The following CACNA2D1 variants were observed in gnomAD, a reference collection of about 807,000 sequenced individuals.
CACNA2D1 encodes the protein voltage-dependent calcium channel subunit alpha-2/delta-1.
CACNA2D1 carries 53 observed loss-of-function variants against 171.5 expected under a neutral mutation model. That is an observed-to-expected ratio of 0.31 (90% CI 0.25 to 0.39). The LOEUF is 0.39. Among genes scored for constraint, CACNA2D1 ranks in the 10% least tolerant of loss-of-function variants. The pLI is 1.00. For missense variants in CACNA2D1, 903 were observed against 1,299.8 expected (o/e 0.69, Z 4.69); for synonymous variants, 442 against 443.1 (o/e 1.00, Z 0.03).
At chr7:82,376,994 C>G (rs1416991817) in intron 1 of CACNA2D1, among the ~76,000 whole-genome samples, 2 of 152,124 alleles carry the variant, frequency 1.3e-5, no homozygotes, top group Non-Finnish European at 2.9e-5. Context: ...TGCTGTTTGC[C>G]TACTTCAAAA....
chr7:82,033,531 T>C (rs1802961427), intron 11 of CACNA2D1, among the ~76,000 whole-genome samples: 1 of 152,102 alleles, frequency 6.6e-6, no homozygotes, highest in Non-Finnish European at 1.5e-5. Context: ...TTCTACTTTA[T>C]TCACTTCACA....
At chr7:82,311,577 T>A (rs368887326) in intron 3 of CACNA2D1, among the ~76,000 whole-genome samples, 2 of 152,328 alleles carry the variant, frequency 1.3e-5, no homozygotes, top group African/African-American at 2.4e-5. Context: ...TTGTAACAAT[T>A]GGGTAGAATA....
chr7:82,253,744 G>A (rs1805950992), intron 3 of CACNA2D1, among the ~76,000 whole-genome samples: 1 of 151,996 alleles, frequency 6.6e-6, no homozygotes, highest in African/African-American at 2.4e-5. Flanking sequence ...ATGTATATAT[G>A]GTCTTTATTC....
At chr7:82,014,071 T>C (rs1800126497) in intron 13 of CACNA2D1, among the ~76,000 whole-genome samples, 1 of 152,096 alleles carries the variant, frequency 6.6e-6, no homozygotes, top group African/African-American at 2.4e-5. Flanking sequence ...TGTCATACTC[T>C]CATATTTAAG....
chr7:82,088,341 A>G lies in CACNA2D1; in HGVS notation c.527-3441T>C, dbSNP rs569378265. Among the ~76,000 whole-genome samples, 5 of 152,242 alleles carry G rather than the reference A, an allele frequency of 3.3e-5. No individual in the cohort carries two copies. In the East Asian group the frequency reaches 9.6e-4, roughly 29 times the overall value. On this transcript the variant is annotated intron_variant, in intron 6 of 38. Transcript: ENST00000356860. Reference sequence around the variant, plus strand: ...AACAGGAAAAATAAAACAAGGCCAAATTCCTTGGAAAATTATTTTCAGCAA... The same window carrying G: ...AACAGGAAAAATAAAACAAGGCCAAGTTCCTTGGAAAATTATTTTCAGCAA...
At chr7:82,080,431 T>C (rs1809606450) in intron 7 of CACNA2D1, among the ~76,000 whole-genome samples, 1 of 152,126 alleles carries the variant, frequency 6.6e-6, no homozygotes, top group Admixed American at 6.5e-5. Flanking sequence ...ATCTTTACAA[T>C]ACTGTGAAGT....
chr7:82,196,275 C>T (rs889654552), intron 3 of CACNA2D1, among the ~76,000 whole-genome samples: 7 of 152,004 alleles, frequency 4.6e-5, no homozygotes, highest in Non-Finnish European at 7.4e-5. Flanking sequence ...TGGGGCCTAG[C>T]CAAAATTTCC....
chr7:82,036,629 A>G (rs1052947641), intron 11 of CACNA2D1, among the ~76,000 whole-genome samples: 4 of 152,182 alleles, frequency 2.6e-5, no homozygotes, highest in African/African-American at 7.2e-5. Flanking sequence ...ATGATTTAGC[A>G]CTCAGAGCAG....
At chr7:82,112,264 T>C (rs1788560743) in intron 6 of CACNA2D1, among the ~76,000 whole-genome samples, 1 of 152,182 alleles carries the variant, frequency 6.6e-6, no homozygotes, top group African/African-American at 2.4e-5. Context: ...TTTCACTCTT[T>C]AATTTCAGTA....
At chr7:82,107,854 G>T (rs1443289640) in intron 6 of CACNA2D1, among the ~76,000 whole-genome samples, 1 of 152,100 alleles carries the variant, frequency 6.6e-6, no homozygotes, top group African/African-American at 2.4e-5. Flanking sequence ...AAAGTGCGGG[G>T]ATTATAGACA....
intron 3 of CACNA2D1, among the ~76,000 whole-genome samples, chr7:82,265,538 T>A (rs1459835450): frequency 6.6e-6 from 1 of 151,616 alleles, no homozygotes; most frequent in Admixed American, 6.6e-5. Flanking sequence ...GTCCTTTTGG[T>A]TTATTTGGAG....
intron 3 of CACNA2D1, among the ~76,000 whole-genome samples, chr7:82,281,018 T>C (rs1810030123): frequency 6.6e-6 from 1 of 152,150 alleles, no homozygotes; most frequent in South Asian, 2.1e-4. Flanking sequence ...GGTCTGATCA[T>C]TAAGGAATTT....
At chr7:82,009,844 C>A (rs372978535) in intron 15 of CACNA2D1, among the ~76,000 whole-genome samples, 1 of 152,032 alleles carries the variant, frequency 6.6e-6, no homozygotes, top group South Asian at 2.1e-4. Flanking sequence ...ATTTCTCTAC[C>A]CTGGAATTTT....
At position 81,969,889 on chromosome 7, in the gene CACNA2D1, T is replaced by C. The variant is rs770556456; in HGVS notation, c.2300A>G (p.Tyr767Cys). Residue 767 changes from tyrosine to cysteine, a missense_variant, in exon 28 of 39, where the codon TAC becomes TGC. By Grantham distance (194) the Tyr-to-Cys change is radical. Around this residue, in one of 5 missense-constraint regions of CACNA2D1, gnomAD observed 623 missense variants for 925.5 expected, o/e 0.67. Coordinates refer to ENST00000356860, the MANE Select transcript of CACNA2D1 (RefSeq NM_000722.4). ...TCCAAAGCAATACTTACTGTTAAAG[T>C]AGGGAGCAGTGAAAACATAGTTATC... ...DNDNYVFTAPYFNKSGPGAYE... is the reference protein window; with the variant it reads ...DNDNYVFTAPCFNKSGPGAYE... 1.9e-6 allele frequency: 3 copies of C among 1,561,662 alleles called. No individual in the cohort carries two copies. The highest frequency in any genetic ancestry group is 2.6e-6 in the Non-Finnish European group (3 of 1,133,476).
intron 15 of CACNA2D1, among the ~76,000 whole-genome samples, chr7:82,010,375 C>CTT (rs747804456): frequency 1.4e-5 from 2 of 138,428 alleles, no homozygotes; most frequent in African/African-American, 5.3e-5. Context: ...TCACGTGTTC[C>CTT]TTTTTTTTTT....
chr7:81,973,190 A>C (rs1470109326), intron 25 of CACNA2D1, among the ~76,000 whole-genome samples: 2 of 152,080 alleles, frequency 1.3e-5, no homozygotes, highest in African/African-American at 4.8e-5. Context: ...AGGAACATTC[A>C]ACAATCTTAT....
intron 3 of CACNA2D1, among the ~76,000 whole-genome samples, chr7:82,211,110 T>C (rs1314242051): frequency 6.6e-6 from 1 of 152,186 alleles, no homozygotes; most frequent in Non-Finnish European, 1.5e-5. Flanking sequence ...TCTTTGATAA[T>C]AGCACCTCAA....
chr7:82,015,261 T>C (rs550677080), intron 12 of CACNA2D1, among the ~76,000 whole-genome samples: 1 of 152,300 alleles, frequency 6.6e-6, no homozygotes, highest in African/African-American at 2.4e-5. Context: ...AATTAAACTT[T>C]GTGATGGTTT....
chr7:82,364,476 T>A (rs1332757982), intron 1 of CACNA2D1, among the ~76,000 whole-genome samples: 1 of 152,204 alleles, frequency 6.6e-6, no homozygotes, highest in Non-Finnish European at 1.5e-5. Flanking sequence ...CCACTCTGTA[T>A]GTAGTTTCTT....
Sources: allele counts gnomAD v4.1 joint callset (sites outside exome capture counted in the v4.1 genomes callset), GRCh38; gene constraint gnomAD v4.1.1; regional missense constraint gnomAD v4.1.1; transcripts MANE v1.5; gene names NCBI Gene and HGNC (gene_info 2026-07-23, HGNC 2026-07-21).